The following ACAD11 variants were observed in gnomAD, a reference collection of about 807,000 sequenced individuals.
ACAD11 encodes acyl-Coenzyme A dehydrogenase family, member 11.
A neutral mutation model predicts 102.2 loss-of-function variants in ACAD11; 83 were observed. The observed-to-expected ratio is 0.81, with a 90% CI of 0.68 to 0.97. The LOEUF (loss-of-function observed/expected upper bound fraction) is 0.97, where lower values mean the gene tolerates loss of function less well. Ranked by LOEUF, ACAD11 falls within the 50% of genes least tolerant of loss-of-function variation. The pLI, the probability that ACAD11 is intolerant of heterozygous loss-of-function variation, is 0.00. For synonymous variants in ACAD11, 324 were observed against 319.8 expected, an observed-to-expected ratio of 1.01 and a Z score of -0.14; for missense variants, 901 against 951.7, an observed-to-expected ratio of 0.95 and a Z score of 0.70.
At chr3:132,578,709 T>A (rs532605534) in intron 15 of ACAD11, 87 bp downstream of exon 15, 2 of 1,378,180 alleles carry the variant, frequency 1.5e-6, no homozygotes, top group African/African-American at 2.9e-5. Context: ...ATCTATCTTA[T>A]GCATTAAAAT....
At chr3:132,644,965 G>GA in intron 1 of ACAD11, 69 bp from the exon 2 acceptor site, 1 of 899,230 alleles carries the variant, frequency 1.1e-6, no homozygotes, top group Non-Finnish European at 1.7e-6. Flanking sequence ...AAATCCTACT[G>GA]AAATGTCAGA....
intron 1 of ACAD11, 71 bp downstream of exon 1, chr3:132,659,532 C>A: frequency 6.3e-7 from 1 of 1,598,992 alleles, no homozygotes; most frequent in East Asian, 2.3e-5. Context: ...TAGGAAACCA[C>A]CCAGGGCCAA....
chr3:132,569,683 C>T (rs769802415), intron 17 of ACAD11, among the ~76,000 whole-genome samples: 13 of 151,976 alleles, frequency 8.6e-5, no homozygotes, highest in Non-Finnish European at 1.8e-4. Flanking sequence ...GATAAATCTC[C>T]GAGAAATTAT....
At chr3:132,566,296 C>CAAAAAAAAAAAAAAAAAA (rs371477145) in intron 17 of ACAD11, among the ~76,000 whole-genome samples, 2 of 61,890 alleles carry the variant, frequency 3.2e-5, no homozygotes, top group African/African-American at 9.3e-5. Context: ...AAAACAAACT[C>CAAAAAAAAAAAAAAAAAA]AAAAAAACAA....
intron 9 of ACAD11, chr3:132,621,224 GA>G (rs987987367): frequency 6.6e-6 from 1 of 152,150 alleles, no homozygotes; most frequent in African/African-American, 2.4e-5. Flanking sequence ...ACATTAAAGA[GA>G]AAGAAAAGCT....
chr3:132,631,301 T>C, intron 6 of ACAD11, 40 bp downstream of exon 6: 1 of 1,255,256 alleles, frequency 8.0e-7, no homozygotes, highest in Admixed American at 2.9e-5. Flanking sequence ...AAAGACAGTT[T>C]TATATTAATA....
intron 8 of ACAD11, 155 bp from the exon 9 acceptor site, chr3:132,626,972 A>G (rs1939843391): frequency 3.2e-6 from 2 of 633,906 alleles, no homozygotes; most frequent in Non-Finnish European, 2.6e-6. Context: ...CTTCCATATT[A>G]TGGACTGAAT....
At chr3:132,641,596 A>AGAGGAG (rs1402477425) in intron 4 of ACAD11, among the ~76,000 whole-genome samples, 5,650 of 112,410 alleles carry the variant, frequency 0.05, 211 homozygotes, top group East Asian at 0.32. Flanking sequence ...AAGAAGAAGA[A>AGAGGAG]GAAGAAGAGG....
chr3:132,641,692 G>GAAGAA (rs1940524161), intron 4 of ACAD11, among the ~76,000 whole-genome samples: 1 of 126,150 alleles, frequency 7.9e-6, no homozygotes, highest in African/African-American at 2.9e-5. Context: ...AAGAGGAAGA[G>GAAGAA]GAAGAGGAAG....
At chr3:132,610,230 T>C (rs1053161744) in intron 11 of ACAD11, among the ~76,000 whole-genome samples, 6 of 152,146 alleles carry the variant, frequency 3.9e-5, no homozygotes, top group African/African-American at 7.2e-5. Flanking sequence ...CAAAGCAGTA[T>C]GTAGAGGGAA....
chr3:132,617,806 C>T (rs1360049590), intron 11 of ACAD11, among the ~76,000 whole-genome samples: 1 of 152,184 alleles, frequency 6.6e-6, no homozygotes. Context: ...TCTTCTCCTA[C>T]TATTATTTTC....
intron 1 of ACAD11, among the ~76,000 whole-genome samples, chr3:132,657,547 T>C (rs998923760): frequency 1.3e-5 from 2 of 152,250 alleles, no homozygotes; most frequent in Non-Finnish European, 2.9e-5. Flanking sequence ...TGAATATTCC[T>C]ATTCAACAAC....
rs568156533 is a variant in ACAD11 at position 132,622,209 on chromosome 3, T to A, written c.1198-2664A>T. ...AAATCATTCTATCAATTTACACTCA[T>A]ATAACAATGTACTAAAATGTTCCTT... is the stretch of plus-strand genomic sequence containing the variant. On this transcript the variant is annotated intron_variant, in intron 9 of 19. Transcript: ENST00000264990. Among the ~76,000 whole-genome samples the A allele has an allele frequency of 1.4e-3, 214 of 152,296 alleles. 1 individual carries two copies. The highest frequency in any genetic ancestry group is 0.014 in the Middle Eastern group (4 of 294).
At chr3:132,627,722 A>C (rs527946541) in intron 8 of ACAD11, among the ~76,000 whole-genome samples, 2 of 152,350 alleles carry the variant, frequency 1.3e-5, no homozygotes, top group East Asian at 3.9e-4. Flanking sequence ...AGCACAACAG[A>C]ATCAATTGTT....
Position 132,561,348 on chromosome 3 carries a change from T to C in ACAD11, c.2002-131A>G, listed in dbSNP as rs1316354264. The C allele has an allele frequency of 5.6e-6, 4 of 716,898 alleles. No homozygotes were observed. The Admixed American group carries it at 6.0e-5, about 11-fold the overall frequency. The allele number at this position is 716,898 out of a possible 1,614,324, so 44.4% of individuals were successfully genotyped here. A position where few individuals can be genotyped will look rare whatever the true frequency, so the allele number is the denominator to read the frequency against. Reference sequence around the variant, plus strand: ...GATTGTTCACAAGCTTTACTCTATGTATTTTTAAATGGAAGAGTTAATTCA... The same window carrying C: ...GATTGTTCACAAGCTTTACTCTATGCATTTTTAAATGGAAGAGTTAATTCA... On this transcript the variant is annotated intron_variant, in intron 17 of 19. Coordinates refer to ENST00000264990, the MANE Select transcript of ACAD11 (RefSeq NM_032169.5).
intron 13 of ACAD11, among the ~76,000 whole-genome samples, chr3:132,583,272 G>C (rs970579948): frequency 6.6e-6 from 1 of 152,168 alleles, no homozygotes; most frequent in African/African-American, 2.4e-5. Context: ...TCCTCGTTTA[G>C]TCTTGGGAGG....
chr3:132,634,098 A>G (rs1940168093), intron 5 of ACAD11, among the ~76,000 whole-genome samples: 1 of 152,244 alleles, frequency 6.6e-6, no homozygotes, highest in Non-Finnish European at 1.5e-5. Flanking sequence ...AGCAAAAGAA[A>G]CTACCATCAG....
At position 132,618,213 on chromosome 3, in the gene ACAD11, T is replaced by C. The variant is rs561121301; in HGVS notation, c.1414+421A>G. The stretch of plus-strand genomic sequence containing the variant: ...TCACTGATATATCATTGTGAGAACA[T>C]AGAACACTGCTCGGGACATAGTAGG... On this transcript the variant is annotated intron_variant, in intron 11 of 19. Coordinates refer to ENST00000264990, the MANE Select transcript of ACAD11 (RefSeq NM_032169.5). 11 of 161,538 alleles carry C rather than the reference T, an allele frequency of 6.8e-5. No individual in the cohort carries two copies. In the South Asian group the frequency reaches 1.8e-3, roughly 27 times the overall value. The allele number at this position is 161,538 out of a possible 1,614,324, so 10.0% of individuals were successfully genotyped here.
At chr3:132,606,213 G>A (rs1250587754) in intron 11 of ACAD11, among the ~76,000 whole-genome samples, 4 of 152,276 alleles carry the variant, frequency 2.6e-5, no homozygotes, top group African/African-American at 7.2e-5. Flanking sequence ...ATTGAGTTGT[G>A]TAAGTTAAAC....
Sources: allele counts gnomAD v4.1 joint callset (sites outside exome capture counted in the v4.1 genomes callset), GRCh38; gene constraint gnomAD v4.1.1; transcripts MANE v1.5; gene names NCBI Gene and HGNC (gene_info 2026-07-23, HGNC 2026-07-21).